Variants in XDH observed in about 807,000 individuals in gnomAD.
XDH encodes the protein xanthine dehydrogenase/oxidase.
In XDH, 138 loss-of-function variants were observed where a neutral mutation model predicts 156.1. The ratio of observed to expected loss-of-function variants is 0.88; its 90% CI spans 0.77 to 1.02. XDH has a LOEUF of 1.02. Ranked by LOEUF, XDH falls within the 50% of genes least tolerant of loss-of-function variation. The pLI is 0.00. For synonymous variants in XDH, 669 were observed against 625.7 expected (o/e 1.07, Z -1.03); for missense variants, 1,849 against 1,684.9 (o/e 1.10, Z -1.71).
At chr2:31,347,491 T>C in intron 29 of XDH, 31 bp downstream of exon 29, 1 of 1,612,772 alleles carries the variant, frequency 6.2e-7, no homozygotes, top group Non-Finnish European at 8.5e-7. Context: ...GGGCTGGCCC[T>C]CTGCTCTGCG....
Position 31,383,101 on chromosome 2 carries a change from A to T in XDH, c.938T>A (p.Val313Glu). ...CPLSIVEKTL[V>E]DAVAKLPAQK... ...GGCAGGAAGCTTAGCAACAGCATCC[A>T]CCAGGGTTTTTTCCACAATGCTCAG... Residue 313 changes from valine to glutamate, a missense_variant, in exon 11 of 36, where the codon GTG becomes GAG. Transcript: ENST00000379416. The T allele has an allele frequency of 1.2e-6, 2 of 1,614,164 alleles. No individual in the cohort carries two copies. Among genetic ancestry groups the T allele is most frequent in the Non-Finnish European group, 1.7e-6 (2 of 1,180,026 alleles).
chr2:31,406,662 G>A (rs1687198722), intron 1 of XDH, among the ~76,000 whole-genome samples: 1 of 152,136 alleles, frequency 6.6e-6, no homozygotes, highest in African/African-American at 2.4e-5. Flanking sequence ...CTCGACCAAG[G>A]CCAAATCCCC....
intron 20 of XDH, among the ~76,000 whole-genome samples, chr2:31,367,580 G>T (rs909536287): frequency 2.1e-4 from 32 of 152,130 alleles, no homozygotes; most frequent in African/African-American, 7.5e-4. Context: ...GGGAAGAGGA[G>T]GGAGGATGCT....
At chr2:31,395,657 T>C (rs78456981) in intron 6 of XDH, among the ~76,000 whole-genome samples, 8,101 of 152,200 alleles carry the variant, frequency 0.053, 312 homozygotes, top group African/African-American at 0.11. Flanking sequence ...CAGCAATTCA[T>C]CAGTTAGTCC....
At chr2:31,396,223 T>A (rs905578275) in intron 6 of XDH, among the ~76,000 whole-genome samples, 1 of 152,108 alleles carries the variant, frequency 6.6e-6, no homozygotes, top group East Asian at 1.9e-4. Context: ...TTGAGGGAGG[T>A]AAGTTCTGCA....
At chr2:31,380,622 C>T (rs1686412019) in intron 12 of XDH, among the ~76,000 whole-genome samples, 1 of 152,256 alleles carries the variant, frequency 6.6e-6, no homozygotes, top group Non-Finnish European at 1.5e-5. Flanking sequence ...ATTAAGCATG[C>T]ACTGTGTGGC....
At chr2:31,385,851 C>T (rs45504106) in intron 9 of XDH, among the ~76,000 whole-genome samples, 2,250 of 152,308 alleles carry the variant, frequency 0.015, 30 homozygotes, top group Non-Finnish European at 0.022. Context: ...ATCACATCCT[C>T]CCCCAGAAAA....
chr2:31,406,515 G>A (rs1484120523), intron 1 of XDH, among the ~76,000 whole-genome samples: 1 of 152,100 alleles, frequency 6.6e-6, no homozygotes. Context: ...GTATTTTTAT[G>A]GCAACTCCAT....
intron 19 of XDH, 73 bp from the exon 20 acceptor site, chr2:31,368,130 G>A (rs1558689649): frequency 2.1e-5 from 28 of 1,358,320 alleles, no homozygotes; most frequent in Middle Eastern, 1.8e-4. Flanking sequence ...ATTAGGGAAA[G>A]AGAAGCTCTC....
At chr2:31,392,590 A>C (rs1686796964) in intron 6 of XDH, among the ~76,000 whole-genome samples, 1 of 151,866 alleles carries the variant, frequency 6.6e-6, no homozygotes, top group Non-Finnish European at 1.5e-5. Context: ...ATGCCTGGCT[A>C]ATTTTTGTAT....
chr2:31,403,463 T>C (rs1216536575), intron 2 of XDH, among the ~76,000 whole-genome samples: 1 of 152,160 alleles, frequency 6.6e-6, no homozygotes, highest in Non-Finnish European at 1.5e-5. Context: ...GGTTGAGGTC[T>C]TCTATGTGTG....
At chr2:31,401,802 G>T (rs921293432) in intron 3 of XDH, among the ~76,000 whole-genome samples, 1 of 152,216 alleles carries the variant, frequency 6.6e-6, no homozygotes, top group Admixed American at 6.5e-5. Flanking sequence ...GAAACCCCCA[G>T]GCAACATGAG....
At chr2:31,358,431 C>T (rs1685683137) in intron 24 of XDH, among the ~76,000 whole-genome samples, 5 of 152,050 alleles carry the variant, frequency 3.3e-5, no homozygotes, top group Admixed American at 3.3e-4. Context: ...ATCCTGACAC[C>T]AAACCCTGAC....
intron 24 of XDH, among the ~76,000 whole-genome samples, chr2:31,353,091 TAA>T (rs1221546371): frequency 1.6e-4 from 24 of 152,114 alleles, no homozygotes; most frequent in Non-Finnish European, 4.4e-5. Flanking sequence ...AATTAAGATT[TAA>T]AAAACTGTAA....
rs1287008014 is a variant in XDH, at chr2:31,337,785, A to G, written c.3807T>C (p.Ala1269=). 6.2e-7 allele frequency: 1 copy of G among 1,614,184 alleles called. No individual in the cohort carries two copies. Among genetic ancestry groups the G allele is most frequent in the South Asian group, 1.1e-5 (1 of 91,082 alleles). ...AVGEPPLFLA[A]SIFFAIKDAI... ...CATCTTTGATGGCAAAGAAGATAGA[A>G]GCAGCCAGGAAGAGGGGCGGCTCTC... The change falls in exon 35 of 36, where the codon GCT becomes GCC. Residue 1269 remains alanine, a synonymous_variant. Transcript: ENST00000379416.
At chr2:31,337,400 C>T (rs1684994419) in intron 35 of XDH, among the ~76,000 whole-genome samples, 1 of 152,206 alleles carries the variant, frequency 6.6e-6, no homozygotes, top group African/African-American at 2.4e-5. Context: ...GTGCACCACA[C>T]ATTCCTCCCA....
Position 31,375,451 on chromosome 2 carries a change from G to A in XDH, c.1531C>T (p.Leu511Phe). 1 of 1,614,208 alleles carries A rather than the reference G, an allele frequency of 6.2e-7. No individual in the cohort carries two copies. The highest frequency in any genetic ancestry group is 8.5e-7 in the Non-Finnish European group (1 of 1,180,038). ...AACTTGAAGAAGAAGCTGAGGGTGA[G>A]GGTGCACCGGAAGTCCACCATGCCA... is the stretch of plus-strand genomic sequence containing the variant. ...PGGMVDFRCTLTLSFFFKFYL... is the reference protein window; with the variant it reads ...PGGMVDFRCTFTLSFFFKFYL... Residue 511 changes from leucine (L) to phenylalanine (F), a missense_variant, in exon 15 of 36, where the codon CTC (leucine) becomes TTC (phenylalanine). Transcript: ENST00000379416.
intron 5 of XDH, 132 bp from the exon 6 acceptor site, chr2:31,397,861 G>A (rs938660346): frequency 9.2e-6 from 9 of 975,540 alleles, no homozygotes; most frequent in Non-Finnish European, 1.3e-5. Flanking sequence ...TGTCTGGAAG[G>A]CCTCTTGGCC....
At chr2:31,373,757 G>A in intron 16 of XDH, 116 bp downstream of exon 16, 1 of 957,730 alleles carries the variant, frequency 1.0e-6, no homozygotes, top group Non-Finnish European at 1.6e-6. Flanking sequence ...ACAAGAGTAA[G>A]GAGTTTTATG....
Sources: gnomAD v4.1 joint callset for allele counts (sites outside exome capture counted in the v4.1 genomes callset) on GRCh38, gnomAD v4.1.1 for gene constraint, MANE v1.5 for transcripts, NCBI Gene and HGNC (gene_info 2026-07-23, HGNC 2026-07-21) for gene names.